NEK1: variants seen among roughly 807,000 people sequenced by gnomAD.
NEK1 encodes the protein serine/threonine-protein kinase Nek1.
NEK1 carries 137 observed loss-of-function variants against 182.1 expected under a neutral mutation model. That is an observed-to-expected ratio of 0.75 (90% CI 0.65 to 0.87). The LOEUF is 0.87. Among genes scored for constraint, NEK1 ranks in the 40% least tolerant of loss-of-function variants. NEK1 has a pLI of 0.00. For missense variants in NEK1, 1,391 were observed against 1,494.4 expected, an observed-to-expected ratio of 0.93 and a Z score of 1.14; for synonymous variants, 513 against 492.2, an observed-to-expected ratio of 1.04 and a Z score of -0.56.
At chr4:169,576,376 G>A (rs1253552050) in intron 12 of NEK1, among the ~76,000 whole-genome samples, 1 of 152,154 alleles carries the variant, frequency 6.6e-6, no homozygotes, top group Non-Finnish European at 1.5e-5. Context: ...GTATGTGTAT[G>A]TAATCCAAAA....
At position 169,401,728 on chromosome 4, in the gene NEK1, A is replaced by G. The variant is rs1436198720; in HGVS notation, c.3507T>C (p.Thr1169=). Residue 1169 remains threonine (T), a synonymous_variant, in exon 33 of 36, where the codon ACT becomes ACC. Transcript: ENST00000507142. The part of the protein sequence containing the change: ...SVLKNSDVEP[T]ANGTDVADED... The stretch of plus-strand genomic sequence containing the variant: ...CATCTGCCACATCTGTCCCATTTGC[A>G]GTTGGCTCCACATCACTGTTCTTCA... The G allele has an allele frequency of 6.2e-7, 1 of 1,613,832 alleles. No homozygotes were observed. The highest frequency in any genetic ancestry group is 8.5e-7 in the Non-Finnish European group (1 of 1,179,836).
At chr4:169,501,352 C>A (rs1360653797) in intron 23 of NEK1, among the ~76,000 whole-genome samples, 3 of 150,908 alleles carry the variant, frequency 2.0e-5, no homozygotes, top group South Asian at 4.2e-4. Context: ...GATCAAGGCC[C>A]AAAACTAATA....
intron 10 of NEK1, among the ~76,000 whole-genome samples, chr4:169,583,265 T>C (rs1436542402): frequency 2.1e-5 from 1 of 47,110 alleles, no homozygotes; most frequent in Non-Finnish European, 5.7e-5. Context: ...AGACTCCATC[T>C]CAAAAAAAAA....
At chr4:169,506,922 G>A (rs1350974348) in intron 23 of NEK1, 115 bp downstream of exon 23, 2 of 548,774 alleles carry the variant, frequency 3.6e-6, no homozygotes, top group African/African-American at 4.6e-5. Flanking sequence ...GAGAGAATGA[G>A]AATGAAAAAA....
At chr4:169,507,621 T>G in intron 22 of NEK1, 94 bp downstream of exon 22, 1 of 784,380 alleles carries the variant, frequency 1.3e-6, no homozygotes. Flanking sequence ...AGGAAGAGAC[T>G]AAAGTGATAT....
intron 31 of NEK1, among the ~76,000 whole-genome samples, chr4:169,407,279 A>G (rs1303633091): frequency 6.6e-6 from 1 of 152,158 alleles, no homozygotes; most frequent in African/African-American, 2.4e-5. Context: ...GTTAGTCTGA[A>G]GTTTGGCTAA....
chr4:169,415,387 T>C (rs1264817908), intron 31 of NEK1, among the ~76,000 whole-genome samples: 1 of 152,198 alleles, frequency 6.6e-6, no homozygotes, highest in Non-Finnish European at 1.5e-5. Flanking sequence ...GAGAAATCCC[T>C]TACAGAGGGA....
chr4:169,580,917 G>GA lies in NEK1; in HGVS notation c.808-16dup. 5 of 1,421,752 alleles carry GA rather than the reference G, an allele frequency of 3.5e-6. No individual in the cohort carries two copies. Among genetic ancestry groups the GA allele is most frequent in the Non-Finnish European group, 3.8e-6 (4 of 1,051,282 alleles). The allele number at this position is 1,421,752 out of a possible 1,614,324, so 88.1% of individuals were successfully genotyped here. A position where few individuals can be genotyped will look rare whatever the true frequency, so the allele number is the denominator to read the frequency against. On this transcript the variant is annotated splice_polypyrimidine_tract_variant and intron_variant, in intron 10 of 35. Transcript: ENST00000507142. Reference sequence around the variant, plus strand: ...TCTGCAATAAGCTGAGATTGAAAGAGAAAAAAATTAGAAAAGATGTTACAT... The same window carrying GA: ...TCTGCAATAAGCTGAGATTGAAAGAGAAAAAAAATTAGAAAAGATGTTACAT...
At chr4:169,405,588 A>G (rs551490763) in intron 32 of NEK1, among the ~76,000 whole-genome samples, 1 of 152,292 alleles carries the variant, frequency 6.6e-6, no homozygotes, top group South Asian at 2.1e-4. Context: ...TGAGTCCAGG[A>G]GTTGGAGGCT....
chr4:169,469,670 T>C (rs1313474137), intron 26 of NEK1, among the ~76,000 whole-genome samples: 2 of 152,176 alleles, frequency 1.3e-5, no homozygotes, highest in African/African-American at 4.8e-5. Flanking sequence ...GTCCTGAATA[T>C]CCTTGTTAAT....
Position 169,394,514 on chromosome 4 carries a change from T to C in NEK1, c.3857A>G (p.Glu1286Gly). The change falls in exon 36 of 36, where the codon GAA becomes GGA. Residue 1286 changes from glutamate (E) to glycine (G), a missense_variant. Transcript: ENST00000507142. ...ADGAYQEDND[E>G] ...GATTAAAAAACATTTTGAGGATTAT[T>C]CATCATTATCTGTAGAAAAAAGAAA... 2 of 1,413,390 alleles carry C rather than the reference T, an allele frequency of 1.4e-6. No homozygotes were observed. Among genetic ancestry groups the C allele is most frequent in the Non-Finnish European group, 1.9e-6 (2 of 1,027,374 alleles). The allele number at this position is 1,413,390 out of a possible 1,614,324, so 87.6% of individuals were successfully genotyped here. A position where few individuals can be genotyped will look rare whatever the true frequency, so the allele number is the denominator to read the frequency against.
At chr4:169,440,844 C>T (rs1246681445) in intron 27 of NEK1, among the ~76,000 whole-genome samples, 1 of 152,158 alleles carries the variant, frequency 6.6e-6, no homozygotes, top group African/African-American at 2.4e-5. Flanking sequence ...ATGCATTATT[C>T]TAGAGAGGAA....
chr4:169,525,746 C>A (rs997947376), intron 19 of NEK1, among the ~76,000 whole-genome samples: 1 of 152,144 alleles, frequency 6.6e-6, no homozygotes, highest in African/African-American at 2.4e-5. Context: ...TATCTGCCTG[C>A]CCCCACTTTG....
At chr4:169,535,311 G>A (rs1457198283) in intron 19 of NEK1, among the ~76,000 whole-genome samples, 3 of 151,504 alleles carry the variant, frequency 2.0e-5, no homozygotes, top group Non-Finnish European at 4.4e-5. Context: ...CAACAAGAGC[G>A]AAAACTCTGT....
chr4:169,463,108 CAATCT>C, intron 27 of NEK1, 130 bp downstream of exon 27: 1 of 522,518 alleles, frequency 1.9e-6, no homozygotes, highest in Non-Finnish European at 2.9e-6. Flanking sequence ...CAATCATTCT[CAATCT>C]AATTAAAAAA....
At chr4:169,496,231 T>A (rs1751248235) in intron 23 of NEK1, among the ~76,000 whole-genome samples, 2 of 152,162 alleles carry the variant, frequency 1.3e-5, no homozygotes, top group African/African-American at 4.8e-5. Context: ...TAAGACTGCT[T>A]GTGATTTTTG....
chr4:169,555,694 G>T, intron 18 of NEK1, 26 bp downstream of exon 18: 1 of 1,613,346 alleles, frequency 6.2e-7, no homozygotes, highest in South Asian at 1.1e-5. Flanking sequence ...ACACATGGAT[G>T]AATTCATGGA....
intron 18 of NEK1, chr4:169,555,445 T>C: frequency 2.7e-6 from 1 of 368,844 alleles, no homozygotes; most frequent in Non-Finnish European, 5.0e-6. Context: ...AATGTTATAA[T>C]TATGTTGGCA....
chr4:169,609,501 G>T (rs1771949823), intron 2 of NEK1, among the ~76,000 whole-genome samples: 1 of 152,132 alleles, frequency 6.6e-6, no homozygotes, highest in African/African-American at 2.4e-5. Flanking sequence ...TACACTGTTA[G>T]ATTTTTAGGG....
Sources: allele counts gnomAD v4.1 joint callset (sites outside exome capture counted in the v4.1 genomes callset), GRCh38; gene constraint gnomAD v4.1.1; transcripts MANE v1.5; gene names NCBI Gene and HGNC (gene_info 2026-07-23, HGNC 2026-07-21).